The following CYP2A7 variants were observed in gnomAD, a reference collection of about 807,000 sequenced individuals.
The protein encoded by CYP2A7 is cytochrome P450 2A7.
CYP2A7 carries 36 observed loss-of-function variants against 42.0 expected under a neutral mutation model. The ratio of observed to expected loss-of-function variants is 0.86; its 90% CI spans 0.66 to 1.13. The LOEUF (loss-of-function observed/expected upper bound fraction) is 1.13. Among genes scored for constraint, CYP2A7 ranks in the 50% most tolerant of loss-of-function variants. The probability of loss-of-function intolerance (pLI) is 0.00; values close to 1 mark genes in which losing one functional copy is unlikely to be tolerated. For synonymous variants in CYP2A7, 260 were observed against 249.5 expected (o/e 1.04, Z -0.40); for missense variants, 661 against 634.1 (o/e 1.04, Z -0.46).
Position 40,877,288 on chromosome 19 carries a change from C to G in CYP2A7, c.1063G>C (p.Val355Leu). Residue 355 changes from valine to leucine, a missense_variant, in exon 7 of 9, where the codon GTG becomes CTG. By Grantham distance (32) the Val-to-Leu change is conservative (BLOSUM62 1). This residue lies in a region of CYP2A7 where 614 missense variants were observed against 552.4 expected (regional missense o/e 1.11). Coordinates refer to ENST00000301146, the MANE Select transcript of CYP2A7 (RefSeq NM_000764.3). ...CCAAATCTTTGGATCTCGTGGATCA[C>G]TGCCTCCATGTAGGGCATCTTGGTC... ...DRTKMPYMEA[V>L]IHEIQRFGDV... is the part of the protein sequence containing the mutation. The G allele has an allele frequency of 6.2e-7, 1 of 1,612,858 alleles. No individual in the cohort carries two copies. The highest frequency in any genetic ancestry group is 8.5e-7 in the Non-Finnish European group (1 of 1,179,210).
chr19:40,878,106 G>A, intron 5 of CYP2A7, 113 bp from the exon 6 acceptor site: 2 of 1,247,866 alleles, frequency 1.6e-6, no homozygotes, highest in South Asian at 3.2e-5. Flanking sequence ...TGGAAAGAGG[G>A]ACCCTAGATC....
chr19:40,880,166 A>G lies in CYP2A7; in HGVS notation c.572T>C (p.Phe191Ser). 1 of 1,613,018 alleles carries G rather than the reference A, an allele frequency of 6.2e-7. No homozygotes were observed. Among genetic ancestry groups the G allele is most frequent in the South Asian group, 1.1e-5 (1 of 91,028 alleles). ...VISSIVFGDR[F>S]DYEDKEFLSL... Reference sequence around the variant, plus strand: ...CAGGAACTCTTTGTCCTCATAGTCAAAGCGGTCCCCAAAGACAATGGAGCT... The same window carrying G: ...CAGGAACTCTTTGTCCTCATAGTCAGAGCGGTCCCCAAAGACAATGGAGCT... Residue 191 changes from phenylalanine to serine, a missense_variant, in exon 4 of 9, where the codon TTT becomes TCT. By Grantham distance (155) the Phe-to-Ser change is radical (BLOSUM62 -2). Transcript: ENST00000301146.
In CYP2A7 at chr19:40,876,468, G is replaced by T. The variant is rs567292998; in HGVS notation, c.1303+59C>A. 16 of 1,611,034 alleles carry T rather than the reference G, an allele frequency of 9.9e-6. No individual in the cohort carries two copies. The African/African-American group carries it at 1.9e-4, about 19-fold the overall frequency. ...GGCTACACCGCAGAGAGGGGAGGTGGGTGAGGGAGGCGCCTGCTGGTGTGA... is the reference window on the plus strand; with the variant it reads ...GGCTACACCGCAGAGAGGGGAGGTGTGTGAGGGAGGCGCCTGCTGGTGTGA... On this transcript the variant is annotated intron_variant, in intron 8 of 8. Coordinates refer to ENST00000301146, the MANE Select transcript of CYP2A7 (RefSeq NM_000764.3).
At chr19:40,881,993 C>T in intron 1 of CYP2A7, 38 bp downstream of exon 1, 1 of 1,594,938 alleles carries the variant, frequency 6.3e-7, no homozygotes, top group Non-Finnish European at 8.6e-7. Context: ...ACTAGGCAGC[C>T]CCCACCCTGT....
chr19:40,880,122 G>A lies in CYP2A7; in HGVS notation c.616C>T (p.Leu206=). ...KEFLSLLSMM[L]GIFQFTSTST... is the part of the protein sequence containing the mutation. ...GTTGACGTGAACTGGAAGATTCCTA[G>A]CATCATGCTCAGCAGTGACAGGAAC... is the stretch of plus-strand genomic sequence containing the variant. The change falls in exon 4 of 9, where the codon CTA becomes TTA. Residue 206 remains leucine, a synonymous_variant. Transcript: ENST00000301146. 2 of 1,613,008 alleles carry A rather than the reference G, an allele frequency of 1.2e-6. No individual in the cohort carries two copies. Among genetic ancestry groups the A allele is most frequent in the Non-Finnish European group, 1.7e-6 (2 of 1,179,264 alleles).
rs751659622 is a variant in CYP2A7, at chr19:40,877,973, C to G, written c.852G>C (p.Thr284=). ...TCATCAGGTTCTTCAAGTAGAACTC[C>G]GTGTTGGGGTTCTTCTCCTCCTGCA... ...HMQEEEKNPN[T]EFYLKNLMMS... The change falls in exon 6 of 9, where the codon ACG becomes ACC. Residue 284 remains threonine, a synonymous_variant. Coordinates refer to ENST00000301146, the MANE Select transcript of CYP2A7 (RefSeq NM_000764.3). 2 of 1,611,826 alleles carry G rather than the reference C, an allele frequency of 1.2e-6. No homozygotes were observed. The highest frequency in any genetic ancestry group is 2.2e-5 in the South Asian group (2 of 90,982).
At chr19:40,878,022 C>G in intron 5 of CYP2A7, 29 bp from the exon 6 acceptor site, 1 of 1,599,820 alleles carries the variant, frequency 6.3e-7, no homozygotes, top group Non-Finnish European at 8.5e-7. Flanking sequence ...TTAGGCCAAC[C>G]TCACTCCTCT....
In CYP2A7 at chr19:40,875,591, G is replaced by C. The variant is rs1435782895; in HGVS notation, c.*102C>G. ...TAGCCACCACGCCCCTTCCTTTCCC[G>C]CATCTTCCCCCCATTCTTATACCCG... On this transcript the variant is annotated 3_prime_UTR_variant, in exon 9 of 9. Coordinates refer to ENST00000301146, the MANE Select transcript of CYP2A7 (RefSeq NM_000764.3). 95 of 1,567,984 alleles carry C rather than the reference G, an allele frequency of 6.1e-5. No individual in the cohort carries two copies. The highest frequency in any genetic ancestry group is 3.5e-4 in the Middle Eastern group (2 of 5,654).
At chr19:40,877,467 G>A (rs1215414197) in intron 6 of CYP2A7, 90 bp from the exon 7 acceptor site, 12 of 1,550,192 alleles carry the variant, frequency 7.7e-6, no homozygotes, top group African/African-American at 2.7e-5. Flanking sequence ...TGGATGATAC[G>A]GCTCCCCCTA....
rs770812961 is a variant in CYP2A7, at chr19:40,878,750, T to G, written c.831+10A>C. On this transcript the variant is annotated intron_variant, in intron 5 of 8. Transcript: ENST00000301146. ...CTTTGCACCTCCCCGCACTGGCTGCTGGGGTGTACCTCCTGCATGTGGATG... is the reference window on the plus strand; with the variant it reads ...CTTTGCACCTCCCCGCACTGGCTGCGGGGGTGTACCTCCTGCATGTGGATG... 1 of 1,611,298 alleles carries G rather than the reference T, an allele frequency of 6.2e-7. No homozygotes were observed. Among genetic ancestry groups the G allele is most frequent in the Non-Finnish European group, 8.5e-7 (1 of 1,178,108 alleles).
In CYP2A7 at chr19:40,876,545, A is replaced by AC. The variant is rs1967533980; in HGVS notation, c.1284_1285insG (p.Phe429ValfsTer41). On this transcript the variant is annotated frameshift_variant, in exon 8 of 9. Coordinates refer to ENST00000301146, the MANE Select transcript of CYP2A7 (RefSeq NM_000764.3). LOFTEE classifies it low-confidence loss of function (END_TRUNC). ...CTCTTACCGATGGAAAAGGGCACAA[A>AC]AGCATCACTCTTCTTAAACTGCCCC... 6.2e-7 allele frequency: 1 copy of AC among 1,612,912 alleles called. No homozygotes were observed. The highest frequency in any genetic ancestry group is 1.3e-5 in the African/African-American group (1 of 74,880).
Position 40,875,605 on chromosome 19 carries a change from T to G in CYP2A7, c.*88A>C, listed in dbSNP as rs1060094. 53 of 1,591,470 alleles carry G rather than the reference T, an allele frequency of 3.3e-5. No homozygotes were observed. The highest frequency in any genetic ancestry group is 1.7e-4 in the Middle Eastern group (1 of 5,858). On this transcript the variant is annotated 3_prime_UTR_variant, in exon 9 of 9. Coordinates refer to ENST00000301146, the MANE Select transcript of CYP2A7 (RefSeq NM_000764.3). Reference sequence around the variant, plus strand: ...CTTCCTTTCCCGCATCTTCCCCCCATTCTTATACCCGCCTCTTCCGCGAAC... The same window carrying G: ...CTTCCTTTCCCGCATCTTCCCCCCAGTCTTATACCCGCCTCTTCCGCGAAC...
At chr19:40,880,734 G>T in intron 2 of CYP2A7, 106 bp from the exon 3 acceptor site, 1 of 1,231,092 alleles carries the variant, frequency 8.1e-7, no homozygotes, top group Non-Finnish European at 1.1e-6. Context: ...GTAGTGGGGT[G>T]GGAGAGAGAT....
rs781450031 is a variant in CYP2A7, at chr19:40,877,915, C to T, written c.910G>A (p.Glu304Lys). 48 of 1,612,514 alleles carry T rather than the reference C, an allele frequency of 3.0e-5. 2 individuals carry two copies. The Middle Eastern group carries it at 4.9e-4, about 17-fold the overall frequency. ...TAGCGCAGGGTGGTGCTGACCGTCT[C>T]GGTGCCTGCAATGAAGAGGTTCAAC... ...STLNLFIAGT[E>K]TVSTTLRYGF... Residue 304 changes from glutamate (E) to lysine (K), a missense_variant, in exon 6 of 9, where the codon GAG (glutamate) becomes AAG (lysine). Physicochemically the swap from Glu to Lys is moderately conservative, Grantham distance 56. This residue lies in a region of CYP2A7 where 614 missense variants were observed against 552.4 expected (regional missense o/e 1.11). Transcript: ENST00000301146.
chr19:40,876,451 C>T lies in CYP2A7; in HGVS notation c.1303+76G>A, dbSNP rs1275746191. ...AAGCTGGAGAAATACCAGGCTACAC[C>T]GCAGAGAGGGGAGGTGGGTGAGGGA... On this transcript the variant is annotated intron_variant, in intron 8 of 8. Coordinates refer to ENST00000301146, the MANE Select transcript of CYP2A7 (RefSeq NM_000764.3). 20 of 1,606,654 alleles carry T rather than the reference C, an allele frequency of 1.2e-5. 1 individual carries two copies. The highest frequency in any genetic ancestry group is 1.1e-4 in the East Asian group (5 of 44,864).
intron 4 of CYP2A7, among the ~76,000 whole-genome samples, chr19:40,879,467 C>G (rs770587097): frequency 2.1e-4 from 32 of 151,672 alleles, no homozygotes; most frequent in East Asian, 1.9e-4. Flanking sequence ...TATCCAAGTG[C>G]GATGCACAGG....
At chr19:40,876,501 C>A (rs1483879540) in intron 8 of CYP2A7, 26 bp downstream of exon 8, 48 of 1,612,468 alleles carry the variant, frequency 3.0e-5, no homozygotes, top group Non-Finnish European at 4.0e-5. Flanking sequence ...TGAGCAGTGG[C>A]CTGGCAGCAA....
Position 40,875,629 on chromosome 19 carries a change from A to ACC in CYP2A7, c.*62_*63dup. On this transcript the variant is annotated 3_prime_UTR_variant, in exon 9 of 9. Transcript: ENST00000301146. ...ATTCTTATACCCGCCTCTTCCGCGA[A>ACC]CCCCGCCCTGACCCCGCCTTTCCCT... is the stretch of plus-strand genomic sequence containing the variant. 1.2e-6 allele frequency: 2 copies of ACC among 1,608,830 alleles called. No homozygotes were observed. The highest frequency in any genetic ancestry group is 1.1e-5 in the South Asian group (1 of 90,740).
At position 40,877,371 on chromosome 19, in the gene CYP2A7, A is replaced by T; in HGVS notation, c.980T>A (p.Val327Asp). 6.2e-7 allele frequency: 1 copy of T among 1,611,314 alleles called. No individual in the cohort carries two copies. Among genetic ancestry groups the T allele is most frequent in the South Asian group, 1.1e-5 (1 of 90,972 alleles). ...LMKHPEVEAK[V>D]HEEIDRVIGK... ...GATCACTCTGTCAATCTCCTCATGG[A>T]CCTTGGCTGGGGGAGGAGGGGGAAT... The change falls in exon 7 of 9, where the codon GTC becomes GAC. Residue 327 changes from valine (V) to aspartate (D), a missense_variant. Around this residue, in one of 3 missense-constraint regions of CYP2A7, gnomAD observed 614 missense variants for 552.4 expected, o/e 1.11. Transcript: ENST00000301146.
Sources: allele counts gnomAD v4.1 joint callset (sites outside exome capture counted in the v4.1 genomes callset), GRCh38; gene constraint gnomAD v4.1.1; regional missense constraint gnomAD v4.1.1; transcripts MANE v1.5; gene names NCBI Gene and HGNC (gene_info 2026-07-23, HGNC 2026-07-21).